The following SYK variants were observed in gnomAD, a reference collection of about 807,000 sequenced individuals.
SYK encodes the protein spleen associated tyrosine kinase.
In SYK, 16 loss-of-function variants were observed where a neutral mutation model predicts 77.8. That is an observed-to-expected ratio of 0.21 (90% CI 0.14 to 0.31). The LOEUF is 0.31. SYK is among the 10% of genes least tolerant of loss of function. The probability of loss-of-function intolerance (pLI) is 1.00; values close to 1 mark genes in which losing one functional copy is unlikely to be tolerated. For synonymous variants in SYK, 312 were observed against 308.7 expected, an observed-to-expected ratio of 1.01 and a Z score of -0.11; for missense variants, 529 against 814.4, an observed-to-expected ratio of 0.65 and a Z score of 4.26.
intron 3 of SYK, among the ~76,000 whole-genome samples, chr9:90,848,835 G>A (rs1167226561): frequency 6.6e-6 from 1 of 152,224 alleles, no homozygotes. Flanking sequence ...ATTTAAGTAA[G>A]GGCGTAGAGC....
rs545782803 is a variant in SYK at position 90,837,030 on chromosome 9, TG to T, written c.-41-6827del. 1.3e-3 allele frequency among the ~76,000 whole-genome samples: 199 copies of T among 152,330 alleles called. 1 individual carries two copies. The highest frequency in any genetic ancestry group is 4.5e-3 in the African/African-American group (188 of 41,576). On this transcript the variant is annotated intron_variant, in intron 1 of 13. Transcript: ENST00000375754. Reference sequence around the variant, plus strand: ...TACCTCACTATAAGAATATAGTATATGATACATATAACATGCAAAATATGTG... The same window carrying T: ...TACCTCACTATAAGAATATAGTATATATACATATAACATGCAAAATATGTG...
At chr9:90,836,010 C>T (rs1041685567) in intron 1 of SYK, among the ~76,000 whole-genome samples, 1 of 152,092 alleles carries the variant, frequency 6.6e-6, no homozygotes, top group African/African-American at 2.4e-5. Flanking sequence ...AAATGTTGGC[C>T]GGGCGCTGTG....
intron 5 of SYK, 58 bp downstream of exon 5, chr9:90,864,725 A>C: frequency 2.2e-4 from 322 of 1,489,032 alleles, no homozygotes; most frequent in Non-Finnish European, 2.8e-4. Context: ...AATCAGCCTC[A>C]TTTTAGACTT....
chr9:90,865,182 A>G (rs2118805513), intron 6 of SYK, 85 bp downstream of exon 6: 1 of 1,352,046 alleles, frequency 7.4e-7, no homozygotes, highest in Non-Finnish European at 1.1e-6. Context: ...CAGGAGTAGT[A>G]GGCATTGATA....
At chr9:90,849,073 G>C (rs574140032) in intron 3 of SYK, among the ~76,000 whole-genome samples, 1 of 152,210 alleles carries the variant, frequency 6.6e-6, no homozygotes, top group Non-Finnish European at 1.5e-5. Flanking sequence ...TGAGGGCCAG[G>C]TTGCAGAGCA....
intron 1 of SYK, among the ~76,000 whole-genome samples, chr9:90,836,084 C>T (rs143426734): frequency 2.6e-5 from 4 of 151,910 alleles, no homozygotes; most frequent in African/African-American, 7.3e-5. Context: ...GTCAGGAGAT[C>T]GAGATCATCC....
rs969446794 is a variant in SYK at position 90,894,341 on chromosome 9, C to T, written c.1836-1187C>T. On this transcript the variant is annotated intron_variant, in intron 13 of 13. Transcript: ENST00000375754. ...GAGACAAAGCCCCTCTCAGTGACACCCTGGGAGGCCCGTGTCCCCAGACAT... is the reference window on the plus strand; with the variant it reads ...GAGACAAAGCCCCTCTCAGTGACACTCTGGGAGGCCCGTGTCCCCAGACAT... Among the ~76,000 whole-genome samples, 3 of 152,190 alleles carry T rather than the reference C, an allele frequency of 2.0e-5. No homozygotes were observed. The East Asian group carries it at 5.8e-4, about 29-fold the overall frequency.
intron 11 of SYK, among the ~76,000 whole-genome samples, chr9:90,883,879 A>T (rs1828257323): frequency 6.6e-6 from 1 of 152,142 alleles, no homozygotes; most frequent in Non-Finnish European, 1.5e-5. Flanking sequence ...TCTTAGACCT[A>T]CTAACACCAG....
intron 1 of SYK, among the ~76,000 whole-genome samples, chr9:90,812,144 G>C (rs974553354): frequency 1.3e-5 from 2 of 151,788 alleles, no homozygotes; most frequent in African/African-American, 4.8e-5. Flanking sequence ...GAATAGAATT[G>C]GTTTAGAGAA....
rs767825238 is a variant in SYK at position 90,862,269 on chromosome 9, G to A, written c.642G>A (p.Leu214=). The part of the protein sequence containing the change: ...ALCLLHEGKV[L]HYRIDKDKTG... Reference sequence around the variant, plus strand: ...GCCTGCTGCACGAAGGGAAGGTGCTGCACTATCGCATCGACAAAGACAAGA... The same window carrying A: ...GCCTGCTGCACGAAGGGAAGGTGCTACACTATCGCATCGACAAAGACAAGA... Residue 214 remains leucine (L), a synonymous_variant, in exon 4 of 14, where the codon CTG becomes CTA. Coordinates refer to ENST00000375754, the MANE Select transcript of SYK (RefSeq NM_003177.7). 2 of 1,614,036 alleles carry A rather than the reference G, an allele frequency of 1.2e-6. No homozygotes were observed. The highest frequency in any genetic ancestry group is 2.7e-5 in the African/African-American group (2 of 74,934).
rs915789234 is a variant in SYK, at chr9:90,898,036, T to A, written c.*2436T>A. On this transcript the variant is annotated 3_prime_UTR_variant, in exon 14 of 14. Transcript: ENST00000375754. ...TTGGGCTGGATTCTCATACCCAGGC[T>A]GCCCCTTGGATTGTTCTACCCAAGC... 4.4e-6 allele frequency: 1 copy of A among 228,310 alleles called. No homozygotes were observed. Among genetic ancestry groups the A allele is most frequent in the African/African-American group, 2.2e-5 (1 of 45,102 alleles). 14.1% of individuals were successfully genotyped at this position (228,310 alleles called of 1,614,324 possible). A position where few individuals can be genotyped will look rare whatever the true frequency, so the allele number is the denominator to read the frequency against.
chr9:90,876,709 A>T (rs186445695), intron 9 of SYK, among the ~76,000 whole-genome samples: 27 of 152,348 alleles, frequency 1.8e-4, no homozygotes, highest in Non-Finnish European at 3.2e-4. Context: ...GGGCAAAATG[A>T]TGTCTTTACA....
At chr9:90,880,342 A>G (rs1828102152) in intron 11 of SYK, among the ~76,000 whole-genome samples, 1 of 152,184 alleles carries the variant, frequency 6.6e-6, no homozygotes, top group Non-Finnish European at 1.5e-5. Flanking sequence ...AGGCCAGGCG[A>G]GAGTACAGCA....
intron 9 of SYK, among the ~76,000 whole-genome samples, chr9:90,876,079 A>G (rs747978186): frequency 6.6e-6 from 1 of 152,162 alleles, no homozygotes; most frequent in Non-Finnish European, 1.5e-5. Context: ...TGAGGTCTGG[A>G]GTTCAAGACC....
chr9:90,864,936 T>C (rs567682504), intron 5 of SYK, 112 bp from the exon 6 acceptor site: 2 of 1,082,236 alleles, frequency 1.8e-6, no homozygotes, highest in Non-Finnish European at 2.8e-6. Context: ...GAAAGCGTGC[T>C]CACTTCTCAA....
intron 1 of SYK, among the ~76,000 whole-genome samples, chr9:90,828,786 C>T (rs1825772379): frequency 6.6e-6 from 1 of 152,160 alleles, no homozygotes; most frequent in Non-Finnish European, 1.5e-5. Flanking sequence ...AGAGATGTCT[C>T]CCAGGTTGAG....
intron 3 of SYK, among the ~76,000 whole-genome samples, chr9:90,860,427 C>CATAT: frequency 8.0e-6 from 1 of 125,016 alleles, no homozygotes; most frequent in South Asian, 3.1e-4. Context: ...AAAAGATTAC[C>CATAT]ATGTGGTTTT....
chr9:90,862,891 C>T (rs1257090829), intron 4 of SYK, among the ~76,000 whole-genome samples: 1 of 152,134 alleles, frequency 6.6e-6, no homozygotes, highest in Non-Finnish European at 1.5e-5. Context: ...GTGCCCTCCT[C>T]ATTGTAAATC....
chr9:90,876,968 T>C (rs1827959068), intron 9 of SYK, among the ~76,000 whole-genome samples: 1 of 152,262 alleles, frequency 6.6e-6, no homozygotes, highest in African/African-American at 2.4e-5. Flanking sequence ...TGGTGAAGTT[T>C]ATTTACAAGT....
Sources: allele counts gnomAD v4.1 joint callset (sites outside exome capture counted in the v4.1 genomes callset), GRCh38; gene constraint gnomAD v4.1.1; transcripts MANE v1.5; gene names NCBI Gene and HGNC (gene_info 2026-07-23, HGNC 2026-07-21).